The following CECR2 variants were observed in gnomAD, a reference collection of about 807,000 sequenced individuals.
CECR2 encodes CECR2 histone acetyl-lysine reader, also known as chromatin remodeling regulator CECR2.
A neutral mutation model predicts 154.5 loss-of-function variants in CECR2; 30 were observed. That is an observed-to-expected ratio of 0.19 (90% CI 0.15 to 0.26). The LOEUF (loss-of-function observed/expected upper bound fraction) is 0.26, where lower values mean the gene tolerates loss of function less well. CECR2 is among the 10% of genes least tolerant of loss of function. CECR2 has a pLI of 1.00. For synonymous variants in CECR2, 725 were observed against 683.7 expected (o/e 1.06, Z -0.94); for missense variants, 1,743 against 1,829.3 (o/e 0.95, Z 0.86).
At chr22:17,430,597 C>T (rs569570530) in intron 1 of CECR2, among the ~76,000 whole-genome samples, 3 of 152,318 alleles carry the variant, frequency 2.0e-5, no homozygotes, top group African/African-American at 7.2e-5. Context: ...TTAGACTGCC[C>T]TGTCAGATTG....
At chr22:17,501,181 C>G (rs1313883835) in intron 5 of CECR2, among the ~76,000 whole-genome samples, 1 of 152,094 alleles carries the variant, frequency 6.6e-6, no homozygotes, top group African/African-American at 2.4e-5. Flanking sequence ...TATCACTAAG[C>G]CTATTGAAGT....
At chr22:17,539,219 A>G in intron 13 of CECR2, 100 bp downstream of exon 13, 2 of 1,321,096 alleles carry the variant, frequency 1.5e-6, no homozygotes, top group Non-Finnish European at 1.1e-6. Flanking sequence ...TCTGTAGGAC[A>G]GTGAACAGAA....
chr22:17,402,769 T>C (rs1287060871), intron 1 of CECR2, among the ~76,000 whole-genome samples: 1 of 149,856 alleles, frequency 6.7e-6, no homozygotes, highest in African/African-American at 2.4e-5. Context: ...TTTTTTTTTT[T>C]TTTTGGAGAC....
intron 1 of CECR2, among the ~76,000 whole-genome samples, chr22:17,406,467 G>A (rs2053985903): frequency 6.6e-6 from 1 of 152,214 alleles, no homozygotes; most frequent in African/African-American, 2.4e-5. Context: ...AGGTTGCAGT[G>A]AGTCGAGATT....
intron 1 of CECR2, among the ~76,000 whole-genome samples, chr22:17,437,068 G>C (rs1483775273): frequency 6.6e-6 from 1 of 152,122 alleles, no homozygotes; most frequent in African/African-American, 2.4e-5. Context: ...CAAGTCTCTT[G>C]CTGCAGTCTG....
Position 17,542,979 on chromosome 22 carries a change from G to A in CECR2, c.2836G>A (p.Ala946Thr), listed in dbSNP as rs546365660. ...NPGRAPENSE[A>T]QEPENDQAEP... is the part of the protein sequence containing the mutation. ...TGGGAGGGCACCGGAGAACAGTGAAGCACAAGAGCCTGAGAATGACCAAGG... is the reference window on the plus strand; with the variant it reads ...TGGGAGGGCACCGGAGAACAGTGAAACACAAGAGCCTGAGAATGACCAAGG... The change falls in exon 16 of 19, where the codon GCA (alanine) becomes ACA (threonine). Residue 946 changes from alanine (A) to threonine (T), a missense_variant. This residue lies in a region of CECR2 where 1,250 missense variants were observed against 1,192.1 expected (regional missense o/e 1.05). Coordinates refer to ENST00000262608, the MANE Select transcript of CECR2 (RefSeq NM_001290047.2). 1 of 1,610,806 alleles carries A rather than the reference G, an allele frequency of 6.2e-7. No homozygotes were observed. Among genetic ancestry groups the A allele is most frequent in the Non-Finnish European group, 8.5e-7 (1 of 1,178,138 alleles).
At chr22:17,441,017 G>T (rs1365051199) in intron 1 of CECR2, among the ~76,000 whole-genome samples, 1 of 152,110 alleles carries the variant, frequency 6.6e-6, no homozygotes, top group Non-Finnish European at 1.5e-5. Flanking sequence ...GAGTGCAGTG[G>T]AGTGATCTCA....
At chr22:17,492,434 C>T (rs1033971529) in intron 2 of CECR2, among the ~76,000 whole-genome samples, 2 of 152,160 alleles carry the variant, frequency 1.3e-5, no homozygotes, top group Admixed American at 1.3e-4. Context: ...TGAATCAGGT[C>T]GTGCCGTCCT....
intron 4 of CECR2, 114 bp downstream of exon 4, chr22:17,499,663 C>T: frequency 9.3e-7 from 1 of 1,077,806 alleles, no homozygotes; most frequent in Non-Finnish European, 1.3e-6. Context: ...ATTCTCTAAG[C>T]ATGCCTGCAA....
At position 17,549,190 on chromosome 22, in the gene CECR2, C is replaced by A; in HGVS notation, c.3903C>A (p.Asn1301Lys). Residue 1301 changes from asparagine (N) to lysine (K), a missense_variant, in exon 17 of 19, where the codon AAC (asparagine) becomes AAA (lysine). Physicochemically the swap from Asn to Lys is moderately conservative, Grantham distance 94 (BLOSUM62 0). Transcript: ENST00000262608. ...CCAAAGAATTTTTAGACCTGGACAA[C>A]CATAACGCAGCTACCAAGCGGCAGA... is the stretch of plus-strand genomic sequence containing the variant. ...ESPKEFLDLD[N>K]HNAATKRQSS... The A allele has an allele frequency of 6.2e-7, 1 of 1,614,018 alleles. No homozygotes were observed. Among genetic ancestry groups the A allele is most frequent in the Non-Finnish European group, 8.5e-7 (1 of 1,179,896 alleles).
rs369291932 is a variant in CECR2, at chr22:17,428,826, G to GTGTGTGTGTGTGTGTGTATATA, written c.127-48761_127-48760insGTGTGTGTGTGTGTGTATATAT. ...TGTGTGTGTGTGTGTGTGTGTGTGT[G>GTGTGTGTGTGTGTGTGTATATA]TATATAAAGGCAGCAGAGTCATCTG... On this transcript the variant is annotated intron_variant, in intron 1 of 18. Transcript: ENST00000262608. Among the ~76,000 whole-genome samples the GTGTGTGTGTGTGTGTGTATATA allele has an allele frequency of 2.6e-3, 393 of 150,682 alleles. 2 individuals carry two copies. Among genetic ancestry groups the GTGTGTGTGTGTGTGTGTATATA allele is most frequent in the African/African-American group, 8.5e-3 (347 of 40,818 alleles).
intron 1 of CECR2, among the ~76,000 whole-genome samples, chr22:17,464,304 T>G (rs2054991019): frequency 6.6e-6 from 1 of 152,118 alleles, no homozygotes; most frequent in South Asian, 2.1e-4. Context: ...TCCACATAAT[T>G]AAAAGAAAAC....
chr22:17,382,869 TC>T (rs1263974696), intron 1 of CECR2, among the ~76,000 whole-genome samples: 2 of 151,370 alleles, frequency 1.3e-5, no homozygotes, highest in Non-Finnish European at 2.9e-5. Context: ...AACACTGCAC[TC>T]CCCCCTGGGC....
intron 1 of CECR2, among the ~76,000 whole-genome samples, chr22:17,425,478 TAAAGATAACTA>T (rs1486187011): frequency 6.6e-6 from 1 of 152,172 alleles, no homozygotes; most frequent in Non-Finnish European, 1.5e-5. Context: ...TCAAATAAGT[TAAAGATAACTA>T]AACTACTATA....
chr22:17,455,645 C>T (rs535562682), intron 1 of CECR2, among the ~76,000 whole-genome samples: 24 of 152,286 alleles, frequency 1.6e-4, no homozygotes, highest in African/African-American at 5.8e-4. Flanking sequence ...GACAGAGTCC[C>T]CTCTGTTGCC....
chr22:17,459,417 G>A (rs1284866683), intron 1 of CECR2, among the ~76,000 whole-genome samples: 1 of 152,012 alleles, frequency 6.6e-6, no homozygotes, highest in African/African-American at 2.4e-5. Context: ...TCAGCCACCC[G>A]AGTAGCTGGG....
At chr22:17,489,092 C>T (rs769308695) in intron 2 of CECR2, among the ~76,000 whole-genome samples, 4 of 151,450 alleles carry the variant, frequency 2.6e-5, no homozygotes, top group South Asian at 2.1e-4. Flanking sequence ...TACAGGCATG[C>T]GCCAGCTAAT....
chr22:17,386,362 T>TA (rs1181961869), intron 1 of CECR2, among the ~76,000 whole-genome samples: 2 of 150,184 alleles, frequency 1.3e-5, no homozygotes, highest in African/African-American at 2.4e-5. Context: ...GAAGGGCGTT[T>TA]TAAAAAAAAA....
intron 1 of CECR2, among the ~76,000 whole-genome samples, chr22:17,437,526 G>A (rs1356119617): frequency 6.6e-6 from 1 of 152,062 alleles, no homozygotes. Flanking sequence ...ACATGTTTTT[G>A]ATCATATGAT....
Sources: allele counts gnomAD v4.1 joint callset (sites outside exome capture counted in the v4.1 genomes callset), GRCh38; gene constraint gnomAD v4.1.1; regional missense constraint gnomAD v4.1.1; transcripts MANE v1.5; gene names NCBI Gene and HGNC (gene_info 2026-07-23, HGNC 2026-07-21).